The following HMGB1 variants were observed in gnomAD, a reference collection of about 807,000 sequenced individuals.
HMGB1 encodes high mobility group box 1.
For synonymous variants in HMGB1, 81 were observed against 84.0 expected (o/e 0.96, Z 0.19); for missense variants, 79 against 253.5 (o/e 0.31, Z 4.67).
chr13:30,541,117 A>G (rs1868857341), intron 1 of HMGB1, among the ~76,000 whole-genome samples: 1 of 152,212 alleles, frequency 6.6e-6, no homozygotes, highest in African/African-American at 2.4e-5. Context: ...TAGATTTCCT[A>G]GCATTTTACT....
chr13:30,507,420 C>T (rs951375705), intron 1 of HMGB1, among the ~76,000 whole-genome samples: 1 of 152,198 alleles, frequency 6.6e-6, no homozygotes, highest in Non-Finnish European at 1.5e-5. Flanking sequence ...CCATCCACCC[C>T]TCTCCAGCAA....
chr13:30,464,226 G>A, intron 1 of HMGB1: 6 of 985,416 alleles, frequency 6.1e-6, no homozygotes, highest in Non-Finnish European at 7.2e-6. Flanking sequence ...GGGAGCAGCA[G>A]CCAGCTCCGG....
intron 1 of HMGB1, among the ~76,000 whole-genome samples, chr13:30,476,118 C>CTTTTTTTT (rs71093065): frequency 3.7e-5 from 4 of 109,500 alleles, no homozygotes; most frequent in Non-Finnish European, 7.3e-5. Flanking sequence ...GTGGCATGTA[C>CTTTTTTTT]TTTTTTTTTT....
chr13:30,468,087 G>A (rs565394335), upstream of HMGB1, among the ~76,000 whole-genome samples: 24 of 152,202 alleles, frequency 1.6e-4, no homozygotes, highest in South Asian at 5.0e-3. Flanking sequence ...AAAATGGAGG[G>A]GACCACAGGG....
chr13:30,531,272 T>C (rs990095738), intron 1 of HMGB1, among the ~76,000 whole-genome samples: 1 of 152,150 alleles, frequency 6.6e-6, no homozygotes, highest in Non-Finnish European at 1.5e-5. Context: ...GCATCCCCTG[T>C]GACAGGTGCC....
chr13:30,538,937 C>T (rs944525599), intron 1 of HMGB1, among the ~76,000 whole-genome samples: 9 of 152,014 alleles, frequency 5.9e-5, no homozygotes, highest in African/African-American at 2.2e-4. Context: ...CGCTCTGTCA[C>T]CCAGGCTGGA....
chr13:30,484,163 AC>A (rs970753303), intron 1 of HMGB1, among the ~76,000 whole-genome samples: 6 of 151,732 alleles, frequency 4.0e-5, no homozygotes, highest in Admixed American at 1.3e-4. Flanking sequence ...GTCCCTTGGT[AC>A]CCCCCATCCC....
In HMGB1 at chr13:30,565,043, C is replaced by A. The variant is rs146577449; in HGVS notation, c.-15+51628G>T. Among the ~76,000 whole-genome samples, 250 of 152,306 alleles carry A rather than the reference C, an allele frequency of 1.6e-3. 1 individual carries two copies. Among genetic ancestry groups the A allele is most frequent in the African/African-American group, 5.7e-3 (236 of 41,576 alleles). On this transcript the variant is annotated intron_variant, in intron 1 of 4. Transcript: ENST00000405805. ...ATGGTACGTCCTTTACATAGATTAT[C>A]TCTTAAATTATTAACCCCGTTTTAG... is the stretch of plus-strand genomic sequence containing the variant.
chr13:30,529,453 A>G (rs1169590464), intron 1 of HMGB1, among the ~76,000 whole-genome samples: 1 of 152,238 alleles, frequency 6.6e-6, no homozygotes, highest in Non-Finnish European at 1.5e-5. Context: ...TTCTTCCTAC[A>G]TTTAAGGCCC....
intron 1 of HMGB1, among the ~76,000 whole-genome samples, chr13:30,580,546 T>C (rs1278228722): frequency 1.3e-5 from 2 of 152,198 alleles, no homozygotes; most frequent in African/African-American, 4.8e-5. Context: ...TTTATTGATT[T>C]ATAATGTGAG....
intron 1 of HMGB1, among the ~76,000 whole-genome samples, chr13:30,611,497 T>A (rs1353597165): frequency 6.6e-6 from 1 of 152,180 alleles, no homozygotes; most frequent in Admixed American, 6.5e-5. Flanking sequence ...CTATTCCTCA[T>A]CTATAGGGAC....
intron 1 of HMGB1, among the ~76,000 whole-genome samples, chr13:30,592,871 TAA>T (rs376893348): frequency 1.3e-4 from 18 of 139,174 alleles, no homozygotes; most frequent in African/African-American, 2.6e-4. Context: ...TGCTTTTTTT[TAA>T]AAAAAAAAAA....
intron 1 of HMGB1, among the ~76,000 whole-genome samples, chr13:30,607,166 C>A (rs1177226639): frequency 6.6e-6 from 1 of 152,164 alleles, no homozygotes; most frequent in Non-Finnish European, 1.5e-5. Context: ...GCAAAAGAAA[C>A]CCTCACTTGA....
At chr13:30,536,365 T>C (rs193040972) in intron 1 of HMGB1, among the ~76,000 whole-genome samples, 24 of 152,300 alleles carry the variant, frequency 1.6e-4, no homozygotes, top group Admixed American at 1.5e-3. Context: ...TCCCAATATG[T>C]ATATTTTTAA....
rs554707498 is a variant in HMGB1 at position 30,552,672 on chromosome 13, A to G, written c.-15+63999T>C. ...CATTTTAATTCTTCTATCACTTCAT[A>G]TACTACCCAGCATTCGTTGGTGACT... On this transcript the variant is annotated intron_variant, in intron 1 of 4. Transcript: ENST00000405805. Among the ~76,000 whole-genome samples, 21 of 152,318 alleles carry G rather than the reference A, an allele frequency of 1.4e-4. No individual in the cohort carries two copies. The South Asian group carries it at 4.1e-3, about 30-fold the overall frequency.
chr13:30,473,959 A>T (rs1012148531), intron 1 of HMGB1, among the ~76,000 whole-genome samples: 1 of 152,228 alleles, frequency 6.6e-6, no homozygotes, highest in Admixed American at 6.5e-5. Flanking sequence ...AGAAGGCCAC[A>T]TATTGTATGA....
chr13:30,482,403 G>A (rs1267794159), intron 1 of HMGB1, among the ~76,000 whole-genome samples: 1 of 152,202 alleles, frequency 6.6e-6, no homozygotes, highest in Non-Finnish European at 1.5e-5. Context: ...GGCCGCAAGC[G>A]TCTATGGTGG....
intron 1 of HMGB1, among the ~76,000 whole-genome samples, chr13:30,610,467 A>G (rs541364432): frequency 6.6e-6 from 1 of 152,356 alleles, no homozygotes; most frequent in Non-Finnish European, 1.5e-5. Flanking sequence ...ATCTGCTGTG[A>G]GGGCATATTA....
At chr13:30,517,861 G>T (rs1035873576) in intron 1 of HMGB1, among the ~76,000 whole-genome samples, 11 of 152,134 alleles carry the variant, frequency 7.2e-5, no homozygotes, top group African/African-American at 2.4e-4. Flanking sequence ...CAATGTGAAA[G>T]AAACTTTATT....
Sources: allele counts gnomAD v4.1 joint callset (sites outside exome capture counted in the v4.1 genomes callset), GRCh38; gene constraint gnomAD v4.1.1; transcripts MANE v1.5; gene names NCBI Gene and HGNC (gene_info 2026-07-23, HGNC 2026-07-21).